The following MED15 variants were observed in gnomAD, a reference collection of about 807,000 sequenced individuals.
The protein encoded by MED15 is mediator of RNA polymerase II transcription subunit 15.
Under a neutral mutation model 118.7 loss-of-function variants are expected in MED15, and 41 were observed. The observed-to-expected ratio is 0.35, with a 90% confidence interval of 0.27 to 0.45. The LOEUF (loss-of-function observed/expected upper bound fraction) is 0.45, where lower values mean the gene tolerates loss of function less well. Among genes scored for constraint, MED15 ranks in the 20% least tolerant of loss-of-function variants. MED15 has a pLI of 1.00. For synonymous variants in MED15, 436 were observed against 413.9 expected, an observed-to-expected ratio of 1.05 and a Z score of -0.65; for missense variants, 740 against 1,025.5, an observed-to-expected ratio of 0.72 and a Z score of 3.80.
rs574315122 is a variant in MED15, at chr22:20,525,602, T to C, written c.69-11515T>C. 4.0e-5 allele frequency among the ~76,000 whole-genome samples: 6 copies of C among 148,770 alleles called. No homozygotes were observed. The East Asian group carries it at 8.1e-4, about 20-fold the overall frequency. On this transcript the variant is annotated intron_variant, in intron 1 of 17. Transcript: ENST00000263205. ...CCCAGGCTGGAGTACAGTGGCACGA[T>C]CTCAGCTCACTGCAAACTCCACCTC...
At chr22:20,553,514 A>G (rs1443433557) in intron 4 of MED15, among the ~76,000 whole-genome samples, 1 of 152,244 alleles carries the variant, frequency 6.6e-6, no homozygotes, top group Non-Finnish European at 1.5e-5. Context: ...GTGTAATAAT[A>G]TGTAGTAGCA....
At chr22:20,508,386 T>G (rs1450573974) in intron 1 of MED15, 2 of 1,304,204 alleles carry the variant, frequency 1.5e-6, no homozygotes, top group South Asian at 2.5e-5. Flanking sequence ...GACTGCTTGT[T>G]TCTGTTAGCA....
chr22:20,553,210 A>G (rs1391986765), intron 4 of MED15, 36 bp downstream of exon 4: 2 of 1,602,132 alleles, frequency 1.2e-6, no homozygotes, highest in Non-Finnish European at 1.7e-6. Context: ...AGTTTCTCCC[A>G]ACTTTGGATT....
chr22:20,578,872 A>G (rs2056897003), intron 9 of MED15, among the ~76,000 whole-genome samples: 1 of 152,234 alleles, frequency 6.6e-6, no homozygotes, highest in Admixed American at 6.5e-5. Context: ...TACGTGCCCC[A>G]TGGGCTCTTC....
At chr22:20,558,654 G>A (rs886189811) in intron 5 of MED15, among the ~76,000 whole-genome samples, 1 of 152,180 alleles carries the variant, frequency 6.6e-6, no homozygotes, top group African/African-American at 2.4e-5. Context: ...GCCTGCAGCA[G>A]TTGGGGAGGC....
chr22:20,543,511 C>T (rs1372826553), intron 2 of MED15, among the ~76,000 whole-genome samples: 2 of 149,540 alleles, frequency 1.3e-5, no homozygotes, highest in Non-Finnish European at 3.0e-5. Context: ...CATGCCCGGC[C>T]TCCTCTTGCA....
chr22:20,583,071 C>A, intron 11 of MED15, 42 bp from the exon 12 acceptor site: 2 of 1,556,660 alleles, frequency 1.3e-6, no homozygotes, highest in Non-Finnish European at 1.7e-6. Context: ...GTTCCCCACC[C>A]GAGGGTCGAG....
In MED15 at chr22:20,555,046, G is replaced by A; in HGVS notation, c.349G>A (p.Gly117Ser). Residue 117 changes from glycine (G) to serine (S), a missense_variant, in exon 5 of 18, where the codon GGT becomes AGT. By Grantham distance (56) the Gly-to-Ser change is moderately conservative (BLOSUM62 0). Around this residue, in one of 7 missense-constraint regions of MED15, gnomAD observed 117 missense variants for 124.6 expected, o/e 0.94. Coordinates refer to ENST00000263205, the MANE Select transcript of MED15 (RefSeq NM_001003891.3). ...GTCTCTGGGCGGGATGGGTAGCCTT[G>A]GTGCCATGGGACAGCCAATGTCTCT... ...GQSLGGMGSL[G>S]AMGQPMSLSG... 6.2e-7 allele frequency: 1 copy of A among 1,612,746 alleles called. No individual in the cohort carries two copies. Among genetic ancestry groups the A allele is most frequent in the Non-Finnish European group, 8.5e-7 (1 of 1,179,986 alleles).
intron 1 of MED15, among the ~76,000 whole-genome samples, chr22:20,510,447 A>T (rs1290944531): frequency 6.6e-6 from 1 of 152,202 alleles, no homozygotes; most frequent in African/African-American, 2.4e-5. Flanking sequence ...CAGAGGTCCA[A>T]GTAGGTTCCA....
At position 20,587,550 on chromosome 22, in the gene MED15, A is replaced by G. The variant is rs1274586421; in HGVS notation, c.*846A>G. The G allele has an allele frequency of 2.8e-6, 1 of 356,116 alleles. No individual in the cohort carries two copies. Among genetic ancestry groups the G allele is most frequent in the Non-Finnish European group, 5.0e-6 (1 of 200,252 alleles). 22.1% of individuals were successfully genotyped at this position (356,116 alleles called of 1,614,324 possible). ...GCACCGGCCAGCACCCTCTGGTGAGAAGAGGTCCCCCCTTTTTATGTGCAC... is the reference window on the plus strand; with the variant it reads ...GCACCGGCCAGCACCCTCTGGTGAGGAGAGGTCCCCCCTTTTTATGTGCAC... On this transcript the variant is annotated 3_prime_UTR_variant, in exon 18 of 18. Transcript: ENST00000263205.
At chr22:20,525,824 C>T (rs550995404) in intron 1 of MED15, among the ~76,000 whole-genome samples, 20 of 152,234 alleles carry the variant, frequency 1.3e-4, no homozygotes, top group African/African-American at 4.8e-4. Context: ...GTGTGAGCCC[C>T]TGCACCCGGC....
rs868324242 is a variant in MED15 at position 20,508,429 on chromosome 22, A to G, written c.68+683A>G. 72 of 1,301,786 alleles carry G rather than the reference A, an allele frequency of 5.5e-5. 1 individual carries two copies. The Middle Eastern group carries it at 0.01, about 189-fold the overall frequency. 80.6% of individuals were successfully genotyped at this position (1,301,786 alleles called of 1,614,324 possible). A position where few individuals can be genotyped will look rare whatever the true frequency, so the allele number is the denominator to read the frequency against. On this transcript the variant is annotated intron_variant, in intron 1 of 17. Coordinates refer to ENST00000263205, the MANE Select transcript of MED15 (RefSeq NM_001003891.3). ...TCATGCGCGTCCGTGTGAAGAGACC[A>G]CCAAACAGGCTTTGTGTGAGCAATA...
intron 1 of MED15, among the ~76,000 whole-genome samples, chr22:20,519,286 C>G (rs559959576): frequency 2.0e-5 from 3 of 152,242 alleles, no homozygotes; most frequent in South Asian, 4.2e-4. Flanking sequence ...AGTAATGACT[C>G]TCTTTCTAGT....
At chr22:20,517,956 T>A (rs1448925142) in intron 1 of MED15, among the ~76,000 whole-genome samples, 4 of 149,438 alleles carry the variant, frequency 2.7e-5, no homozygotes, top group Non-Finnish European at 5.9e-5. Flanking sequence ...AGCCTGATGG[T>A]GATGAGGGTG....
At chr22:20,515,838 A>C (rs1002972850) in intron 1 of MED15, among the ~76,000 whole-genome samples, 3 of 151,882 alleles carry the variant, frequency 2.0e-5, no homozygotes, top group African/African-American at 7.3e-5. Context: ...CCTCGTCTCT[A>C]CTAAAAATAC....
chr22:20,529,597 T>C (rs1417220852), intron 1 of MED15, among the ~76,000 whole-genome samples: 1 of 151,732 alleles, frequency 6.6e-6, no homozygotes, highest in Non-Finnish European at 1.5e-5. Context: ...CTAATTTTTG[T>C]ATTTTTATTT....
chr22:20,534,529 AAAG>A (rs2054985470), intron 1 of MED15, among the ~76,000 whole-genome samples: 1 of 152,218 alleles, frequency 6.6e-6, no homozygotes, highest in Non-Finnish European at 1.5e-5. Context: ...TCAAAAAACA[AAAG>A]AAGAAAAAGA....
At chr22:20,543,838 A>T (rs1271909554) in intron 2 of MED15, among the ~76,000 whole-genome samples, 1 of 152,164 alleles carries the variant, frequency 6.6e-6, no homozygotes, top group Admixed American at 6.6e-5. Flanking sequence ...GATTATAGGC[A>T]TGAGTCACTG....
At chr22:20,539,161 C>T (rs1011121456) in intron 2 of MED15, among the ~76,000 whole-genome samples, 3 of 152,022 alleles carry the variant, frequency 2.0e-5, no homozygotes, top group Admixed American at 1.3e-4. Flanking sequence ...TGCAATGGCA[C>T]GATCTCGGCT....
Sources: allele counts gnomAD v4.1 joint callset (sites outside exome capture counted in the v4.1 genomes callset), GRCh38; gene constraint gnomAD v4.1.1; regional missense constraint gnomAD v4.1.1; transcripts MANE v1.5; gene names NCBI Gene and HGNC (gene_info 2026-07-23, HGNC 2026-07-21).